Variants in CCNY observed in about 807,000 individuals in gnomAD.
The protein encoded by CCNY is cyclin-Y.
A neutral mutation model predicts 42.8 loss-of-function variants in CCNY; 19 were observed. That is an observed-to-expected ratio of 0.44 (90% CI 0.31 to 0.65). The LOEUF (loss-of-function observed/expected upper bound fraction) is 0.65. Among genes scored for constraint, CCNY ranks in the 30% least tolerant of loss-of-function variants. The probability of loss-of-function intolerance (pLI) is 0.07; values close to 1 mark genes in which losing one functional copy is unlikely to be tolerated. For missense variants in CCNY, 370 were observed against 437.3 expected (o/e 0.85, Z 1.37); for synonymous variants, 165 against 162.7 (o/e 1.01, Z -0.11).
At chr10:35,520,303 A>T (rs2135412698) in intron 4 of CCNY, among the ~76,000 whole-genome samples, 1 of 152,292 alleles carries the variant, frequency 6.6e-6, no homozygotes, top group Admixed American at 6.5e-5. Context: ...AAGTTGTGAA[A>T]TCCACATGCC....
chr10:35,312,864 G>C (rs969652802), intron 3 of CCNY, among the ~76,000 whole-genome samples: 1 of 148,920 alleles, frequency 6.7e-6, no homozygotes, highest in African/African-American at 2.5e-5. Flanking sequence ...CCGTCCTCCT[G>C]CCTTGCCTCC....
chr10:35,403,267 AC>A (rs1837683375), intron 1 of CCNY, among the ~76,000 whole-genome samples: 1 of 152,156 alleles, frequency 6.6e-6, no homozygotes, highest in Admixed American at 6.5e-5. Flanking sequence ...GTGGCTTGTA[AC>A]CTACATGGAA....
intron 3 of CCNY, among the ~76,000 whole-genome samples, chr10:35,255,756 G>A (rs1382850217): frequency 6.6e-6 from 1 of 151,834 alleles, no homozygotes; most frequent in Non-Finnish European, 1.5e-5. Flanking sequence ...CACCATGCCT[G>A]GCTAATTTTT....
At chr10:35,335,118 A>G (rs1191981332), upstream of CCNY, among the ~76,000 whole-genome samples, 1 of 134,064 alleles carries the variant, frequency 7.5e-6, no homozygotes, top group Non-Finnish European at 1.5e-5. Flanking sequence ...AATATTTGGA[A>G]AAAGGGTGGG....
rs891945888 is a variant in CCNY, at chr10:35,465,973, G to C, written c.155-17431G>C. On this transcript the variant is annotated intron_variant, in intron 1 of 9. Transcript: ENST00000374704. ...TGTGTGTGTGTGTCTGTGTGTGTGT[G>C]TGTGTGTCTGTGTTTGCTGTGGAAA... 6.6e-5 allele frequency among the ~76,000 whole-genome samples: 10 copies of C among 151,890 alleles called. No individual in the cohort carries two copies. In the East Asian group the frequency reaches 1.5e-3, roughly 23 times the overall value.
At chr10:35,363,348 G>T (rs942276927) in intron 1 of CCNY, among the ~76,000 whole-genome samples, 3 of 149,994 alleles carry the variant, frequency 2.0e-5, no homozygotes, top group African/African-American at 7.6e-5. Flanking sequence ...CAGACAGTGG[G>T]GCGGCCGGGC....
At chr10:35,359,563 ACTT>A (rs1451027676) in intron 1 of CCNY, among the ~76,000 whole-genome samples, 2 of 151,806 alleles carry the variant, frequency 1.3e-5, no homozygotes, top group African/African-American at 4.8e-5. Flanking sequence ...CTGATCTTAA[ACTT>A]CTGAGCTGAA....
At position 35,283,340 on chromosome 10, in the gene CCNY, T is replaced by G. The variant is rs183759143; in HGVS notation, c.-9+32714T>G. On this transcript the variant is annotated intron_variant, in intron 3 of 11. Transcript: ENST00000374706. Reference sequence around the variant, plus strand: ...CACAGTAGAAATGTTAGGGACACACTGTGACTTGAGGAAAGACAATAGCGG... The same window carrying G: ...CACAGTAGAAATGTTAGGGACACACGGTGACTTGAGGAAAGACAATAGCGG... Among the ~76,000 whole-genome samples the G allele has an allele frequency of 3.9e-4, 59 of 152,194 alleles. 1 individual carries two copies. The highest frequency in any genetic ancestry group is 3.4e-3 in the Middle Eastern group (1 of 292).
At chr10:35,540,942 T>G (rs2135435377) in intron 7 of CCNY, among the ~76,000 whole-genome samples, 1 of 152,340 alleles carries the variant, frequency 6.6e-6, no homozygotes, top group South Asian at 2.1e-4. Context: ...TTTTGAATTT[T>G]GTTGTTTTTT....
intron 1 of CCNY, among the ~76,000 whole-genome samples, chr10:35,458,912 G>A (rs1839096579): frequency 6.6e-6 from 1 of 152,124 alleles, no homozygotes; most frequent in Non-Finnish European, 1.5e-5. Context: ...GCCCTTAGTT[G>A]ATTCAGAGCA....
intron 1 of CCNY, among the ~76,000 whole-genome samples, chr10:35,452,014 T>C (rs1661658890): frequency 6.6e-6 from 1 of 152,242 alleles, no homozygotes; most frequent in Non-Finnish European, 1.5e-5. Context: ...TATTCTTTAA[T>C]AGTTCAAATA....
chr10:35,394,619 G>T (rs1267527788), intron 1 of CCNY, among the ~76,000 whole-genome samples: 5 of 152,202 alleles, frequency 3.3e-5, no homozygotes, highest in Admixed American at 3.3e-4. Flanking sequence ...TGGCTTTCAC[G>T]CTGAGTTGGT....
chr10:35,500,728 G>A (rs990381777), intron 2 of CCNY, among the ~76,000 whole-genome samples: 1 of 152,208 alleles, frequency 6.6e-6, no homozygotes, highest in Non-Finnish European at 1.5e-5. Context: ...CAAGCTCTTC[G>A]TGTTCCCTGT....
intron 2 of CCNY, among the ~76,000 whole-genome samples, chr10:35,492,913 C>A (rs1839928721): frequency 6.6e-6 from 1 of 152,076 alleles, no homozygotes; most frequent in South Asian, 2.1e-4. Context: ...CTTTCCTATT[C>A]CGGGTCAGAA....
chr10:35,311,683 C>CTG (rs1835685335), intron 3 of CCNY, among the ~76,000 whole-genome samples: 2 of 139,550 alleles, frequency 1.4e-5, no homozygotes, highest in African/African-American at 5.3e-5. Flanking sequence ...GTCCCCCCCA[C>CTG]CCCCCCAAAA....
chr10:35,435,464 A>G (rs1479472953), intron 1 of CCNY, among the ~76,000 whole-genome samples: 1 of 152,228 alleles, frequency 6.6e-6, no homozygotes, highest in African/African-American at 2.4e-5. Flanking sequence ...GGGCTGTCTC[A>G]TAGGCCCGTG....
intron 1 of CCNY, among the ~76,000 whole-genome samples, chr10:35,353,004 C>A (rs1263830085): frequency 6.6e-6 from 1 of 152,200 alleles, no homozygotes; most frequent in African/African-American, 2.4e-5. Flanking sequence ...TAGCTCACTG[C>A]AGCCTTGACC....
chr10:35,435,707 G>T (rs1838514722), intron 1 of CCNY, among the ~76,000 whole-genome samples: 1 of 152,158 alleles, frequency 6.6e-6, no homozygotes, highest in Non-Finnish European at 1.5e-5. Context: ...GCGAGCTGTT[G>T]GTACAATCAG....
chr10:35,377,037 T>A (rs1837067816), intron 1 of CCNY, among the ~76,000 whole-genome samples: 1 of 152,234 alleles, frequency 6.6e-6, no homozygotes, highest in African/African-American at 2.4e-5. Flanking sequence ...AGGCACCACA[T>A]AATGATGTTT....
Sources: gnomAD v4.1 joint callset for allele counts (sites outside exome capture counted in the v4.1 genomes callset) on GRCh38, gnomAD v4.1.1 for gene constraint, MANE v1.5 for transcripts, NCBI Gene and HGNC (gene_info 2026-07-23, HGNC 2026-07-21) for gene names.